Variants in ARHGAP44 observed in about 807,000 individuals in gnomAD.
The protein encoded by ARHGAP44 is Rho GTPase activating protein 44.
A neutral mutation model predicts 106.8 loss-of-function variants in ARHGAP44; 43 were observed. That is an observed-to-expected ratio of 0.40 (90% CI 0.32 to 0.52). The LOEUF is 0.52. ARHGAP44 is among the 20% of genes least tolerant of loss of function. The pLI is 0.48. For missense variants in ARHGAP44, 866 were observed against 1,050.5 expected (o/e 0.82, Z 2.43); for synonymous variants, 439 against 410.3 (o/e 1.07, Z -0.85).
chr17:12,897,410 C>G (rs933331899), intron 3 of ARHGAP44, among the ~76,000 whole-genome samples: 3 of 151,546 alleles, frequency 2.0e-5, no homozygotes, highest in Non-Finnish European at 2.9e-5. Flanking sequence ...CAAAAACCCA[C>G]TCTACTTGTC....
At chr17:12,866,449 A>G (rs1274134834) in intron 1 of ARHGAP44, among the ~76,000 whole-genome samples, 2 of 152,286 alleles carry the variant, frequency 1.3e-5, no homozygotes, top group East Asian at 3.9e-4. Context: ...CCTAGACCAC[A>G]GTTGCCTAAC....
chr17:12,837,066 C>G (rs190471761), intron 1 of ARHGAP44, among the ~76,000 whole-genome samples: 1 of 152,280 alleles, frequency 6.6e-6, no homozygotes, highest in East Asian at 1.9e-4. Flanking sequence ...TGAAATGATA[C>G]AAAGTGTGCT....
chr17:12,962,342 T>C (rs1025165908), intron 16 of ARHGAP44, among the ~76,000 whole-genome samples: 1 of 152,170 alleles, frequency 6.6e-6, no homozygotes, highest in Non-Finnish European at 1.5e-5. Flanking sequence ...CAGGGCTTGG[T>C]GACCAGTTCA....
At chr17:12,902,426 C>G (rs991690880) in intron 3 of ARHGAP44, among the ~76,000 whole-genome samples, 1 of 152,200 alleles carries the variant, frequency 6.6e-6, no homozygotes, top group African/African-American at 2.4e-5. Flanking sequence ...ATCCCATCTC[C>G]CTATTTTATT....
intron 13 of ARHGAP44, 136 bp downstream of exon 13, chr17:12,952,717 G>A (rs2039022032): frequency 2.3e-6 from 1 of 441,630 alleles, no homozygotes; most frequent in South Asian, 3.1e-5. Flanking sequence ...TAACATGCAT[G>A]GTCTCTTTTT....
At chr17:12,817,785 C>T (rs2034639415) in intron 1 of ARHGAP44, among the ~76,000 whole-genome samples, 2 of 151,920 alleles carry the variant, frequency 1.3e-5, no homozygotes, top group Non-Finnish European at 2.9e-5. Context: ...ATACCAACTC[C>T]TTGAAAACCG....
intron 4 of ARHGAP44, 38 bp downstream of exon 4, chr17:12,909,011 A>C: frequency 6.5e-7 from 1 of 1,534,974 alleles, no homozygotes; most frequent in Non-Finnish European, 8.8e-7. Context: ...TGCCAAATCT[A>C]AGTAAGTCCC....
chr17:12,803,026 A>G (rs866847482), intron 1 of ARHGAP44, among the ~76,000 whole-genome samples: 1 of 130,380 alleles, frequency 7.7e-6, no homozygotes, highest in Admixed American at 8.7e-5. Flanking sequence ...AGGCTGAAGT[A>G]CAGTGGCGCG....
chr17:12,952,664 G>A, intron 13 of ARHGAP44, 83 bp downstream of exon 13: 1 of 937,152 alleles, frequency 1.1e-6, no homozygotes, highest in South Asian at 1.5e-5. Flanking sequence ...TAAAAGTCAT[G>A]GTAACTACCA....
rs755400921 is a variant in ARHGAP44, at chr17:12,861,653, T to TTTTTTTTTTA, written c.54-33282_54-33281insTTTTATTTTT. ...TCTGCCTCCTCTTCCACTTTTTTTT[T>TTTTTTTTTTA]TTTTTGAGATGGAATCTTGCTCAGT... On this transcript the variant is annotated intron_variant, in intron 1 of 20. Coordinates refer to ENST00000379672, the MANE Select transcript of ARHGAP44 (RefSeq NM_014859.6). Among the ~76,000 whole-genome samples the TTTTTTTTTTA allele has an allele frequency of 1.0e-3, 62 of 59,170 alleles. 3 individuals carry two copies. The highest frequency in any genetic ancestry group is 2.9e-3 in the African/African-American group (60 of 20,886). The allele number at this position is 59,170 out of a possible 152,430, so 38.8% of individuals were successfully genotyped here. A position where few individuals can be genotyped will look rare whatever the true frequency, so the allele number is the denominator to read the frequency against.
chr17:12,958,405 G>T lies in ARHGAP44; in HGVS notation c.1343-312G>T, dbSNP rs978782325. Among the ~76,000 whole-genome samples the T allele has an allele frequency of 6.6e-6, 1 of 152,116 alleles. No homozygotes were observed. The highest frequency in any genetic ancestry group is 1.5e-5 in the Non-Finnish European group (1 of 68,032). ...CCTGATTAGTTTAGGACAGCTGTCG[G>T]CTTTCAGTCTTAAGCATGAGGTTTT... On this transcript the variant is annotated intron_variant, in intron 15 of 20. Coordinates refer to ENST00000379672, the MANE Select transcript of ARHGAP44 (RefSeq NM_014859.6). The surrounding 1 kb of genome is among the most constrained non-coding windows in gnomAD (Gnocchi z 4.1).
intron 13 of ARHGAP44, among the ~76,000 whole-genome samples, chr17:12,954,926 C>A (rs2039090452): frequency 6.6e-6 from 1 of 152,086 alleles, no homozygotes; most frequent in African/African-American, 2.4e-5. Context: ...TTAGTGTGTT[C>A]ATATAGTTTT....
At chr17:12,810,846 G>C (rs1468638892) in intron 1 of ARHGAP44, among the ~76,000 whole-genome samples, 1 of 152,176 alleles carries the variant, frequency 6.6e-6, no homozygotes, top group Non-Finnish European at 1.5e-5. Flanking sequence ...CCCTTGTGCA[G>C]TCGAAAATCC....
chr17:12,952,328 A>C (rs2039009868), intron 12 of ARHGAP44, among the ~76,000 whole-genome samples, 173 bp from the exon 13 acceptor site: 1 of 152,214 alleles, frequency 6.6e-6, no homozygotes, highest in African/African-American at 2.4e-5. Context: ...AGGACAAGAC[A>C]GAAGGAGAAC....
At chr17:12,973,419 C>A in intron 17 of ARHGAP44, 100 bp downstream of exon 17, 1 of 1,313,406 alleles carries the variant, frequency 7.6e-7, no homozygotes, top group Non-Finnish European at 1.1e-6. Flanking sequence ...TGCGCCGCGT[C>A]TGGTTGCTTG....
At chr17:12,807,649 A>G (rs2034316847) in intron 1 of ARHGAP44, among the ~76,000 whole-genome samples, 1 of 152,198 alleles carries the variant, frequency 6.6e-6, no homozygotes, top group African/African-American at 2.4e-5. Flanking sequence ...GTTACCTGCT[A>G]CACTGGGTCC....
intron 7 of ARHGAP44, among the ~76,000 whole-genome samples, chr17:12,930,239 C>CTT (rs372665207): frequency 6.8e-6 from 1 of 146,746 alleles, no homozygotes; most frequent in Non-Finnish European, 1.5e-5. Flanking sequence ...CTCTCTCTCT[C>CTT]TTTTTTTTTT....
At chr17:12,966,095 G>T (rs567051339) in intron 16 of ARHGAP44, among the ~76,000 whole-genome samples, 11 of 150,764 alleles carry the variant, frequency 7.3e-5, no homozygotes, top group Admixed American at 4.0e-4. Flanking sequence ...GGTGGAGGCT[G>T]TAGAGAGCTG....
chr17:12,980,164 G>A lies in ARHGAP44; in HGVS notation c.1870G>A (p.Ala624Thr), dbSNP rs781041932. The A allele has an allele frequency of 6.2e-7, 1 of 1,613,490 alleles. No individual in the cohort carries two copies. The highest frequency in any genetic ancestry group is 8.5e-7 in the Non-Finnish European group (1 of 1,179,850). Residue 624 changes from alanine (A) to threonine (T), a missense_variant, in exon 19 of 21, where the codon GCT (alanine) becomes ACT (threonine). This residue lies in a region of ARHGAP44 where 418 missense variants were observed against 403.6 expected (regional missense o/e 1.04). Coordinates refer to ENST00000379672, the MANE Select transcript of ARHGAP44 (RefSeq NM_014859.6). Reference protein sequence around the residue: ...AGTQPGAQPGAQPGASPSPSQ... With the variant: ...AGTQPGAQPGTQPGASPSPSQ... The stretch of plus-strand genomic sequence containing the variant: ...GACTCAACCAGGGGCTCAACCTGGA[G>A]CTCAGCCGGGCGCCAGCCCCAGCCC...
Sources: allele counts gnomAD v4.1 joint callset (sites outside exome capture counted in the v4.1 genomes callset), GRCh38; gene constraint gnomAD v4.1.1; regional missense constraint gnomAD v4.1.1; non-coding constraint Gnocchi (gnomAD v3.1); transcripts MANE v1.5; gene names NCBI Gene and HGNC (gene_info 2026-07-23, HGNC 2026-07-21).